Variants in DPYS observed in about 807,000 individuals in gnomAD.
DPYS encodes the protein dihydropyrimidinase.
In DPYS, 39 loss-of-function variants were observed where a neutral mutation model predicts 50.3. The observed-to-expected ratio is 0.78, with a 90% confidence interval of 0.60 to 1.01. DPYS has a LOEUF of 1.01. DPYS is among the 50% of genes least tolerant of loss of function. The probability of loss-of-function intolerance (pLI) is 0.00; values close to 1 mark genes in which losing one functional copy is unlikely to be tolerated. For synonymous variants in DPYS, 245 were observed against 250.7 expected (o/e 0.98, Z 0.22); for missense variants, 659 against 680.9 (o/e 0.97, Z 0.36).
intron 1 of DPYS, among the ~76,000 whole-genome samples, chr8:104,463,740 A>AT (rs1491296206): frequency 6.6e-6 from 1 of 151,996 alleles, no homozygotes; most frequent in Non-Finnish European, 1.5e-5. Flanking sequence ...CAAGTTTAAC[A>AT]TATCATACAA....
At chr8:104,424,160 G>T in intron 7 of DPYS, 87 bp downstream of exon 7, 1 of 1,605,504 alleles carries the variant, frequency 6.2e-7, no homozygotes, top group Non-Finnish European at 8.5e-7. Context: ...AAGGAGAAGC[G>T]GCTGATTAAT....
At chr8:104,385,827 C>T (rs1266379912) in intron 8 of DPYS, among the ~76,000 whole-genome samples, 14 of 152,200 alleles carry the variant, frequency 9.2e-5, no homozygotes, top group Admixed American at 7.2e-4. Context: ...TGCCTTCCTC[C>T]ATGGGATGAC....
At chr8:104,466,541 C>A in intron 1 of DPYS, 116 bp downstream of exon 1, 4 of 1,225,136 alleles carry the variant, frequency 3.3e-6, no homozygotes, top group East Asian at 3.1e-5. Flanking sequence ...TCCCGCCCAC[C>A]CAGCTCCTCG....
chr8:104,433,982 AATGGCCT>A (rs1379975263), intron 4 of DPYS, among the ~76,000 whole-genome samples: 1 of 152,208 alleles, frequency 6.6e-6, no homozygotes, highest in Non-Finnish European at 1.5e-5. Context: ...ATGAGTAACC[AATGGCCT>A]ATGACACAGC....
At position 104,447,436 on chromosome 8, in the gene DPYS, T is replaced by C. The variant is rs777806895; in HGVS notation, c.491A>G (p.Tyr164Cys). 9.9e-6 allele frequency: 16 copies of C among 1,614,052 alleles called. No individual in the cohort carries two copies. Among genetic ancestry groups the C allele is most frequent in the Middle Eastern group, 1.6e-4 (1 of 6,084 alleles). The stretch of plus-strand genomic sequence containing the variant: ...GTCTGTCACCATGTACAGATCTTTA[T>C]AGGCCATAAACATCTTGAAAGAGTT... ...GVNSFKMFMA[Y>C]KDLYMVTDLE... The change falls in exon 3 of 10, where the codon TAT (tyrosine) becomes TGT (cysteine). Residue 164 changes from tyrosine (Y) to cysteine (C), a missense_variant. Transcript: ENST00000351513.
intron 7 of DPYS, among the ~76,000 whole-genome samples, chr8:104,412,218 T>C (rs140144992): frequency 6.6e-4 from 101 of 152,320 alleles, no homozygotes; most frequent in African/African-American, 2.3e-3. Context: ...TTTGCAGGGA[T>C]GCAGGCCACG....
chr8:104,408,381 C>G (rs1812065419), intron 7 of DPYS, among the ~76,000 whole-genome samples: 1 of 152,046 alleles, frequency 6.6e-6, no homozygotes, highest in Non-Finnish European at 1.5e-5. Context: ...GAACAAAGGG[C>G]ATGAATAGAT....
At chr8:104,435,766 C>G (rs937861887) in intron 4 of DPYS, among the ~76,000 whole-genome samples, 3 of 152,032 alleles carry the variant, frequency 2.0e-5, no homozygotes, top group African/African-American at 4.8e-5. Flanking sequence ...CTCTTCTTTC[C>G]CAGTTCACAA....
chr8:104,419,977 G>T (rs1176444100), intron 7 of DPYS: 3 of 152,200 alleles, frequency 2.0e-5, no homozygotes, highest in Non-Finnish European at 4.4e-5. Context: ...GTACATAGGA[G>T]TGTCTTGTAC....
chr8:104,391,090 A>C (rs1239222059), intron 8 of DPYS, among the ~76,000 whole-genome samples: 2 of 152,206 alleles, frequency 1.3e-5, no homozygotes, highest in Admixed American at 1.3e-4. Flanking sequence ...AAAGAACTGC[A>C]GTTTTCTGAG....
intron 7 of DPYS, among the ~76,000 whole-genome samples, chr8:104,402,744 T>C (rs1401290162): frequency 6.6e-6 from 1 of 152,156 alleles, no homozygotes; most frequent in African/African-American, 2.4e-5. Context: ...TCTAGCTCCA[T>C]ATTTTAGGAA....
rs1055332508 is a variant in DPYS at position 104,451,755 on chromosome 8, T to C, written c.265-351A>G. Among the ~76,000 whole-genome samples, 6 of 152,362 alleles carry C rather than the reference T, an allele frequency of 3.9e-5. No homozygotes were observed. In the East Asian group the frequency reaches 5.8e-4, roughly 15 times the overall value. ...TCTTGAGAAGTGATATTCATTATTA[T>C]AAAATTCCATTTTATTAGAATCCAT... On this transcript the variant is annotated intron_variant, in intron 1 of 9. Coordinates refer to ENST00000351513, the MANE Select transcript of DPYS (RefSeq NM_001385.3).
At chr8:104,444,098 T>C in intron 4 of DPYS, 150 bp downstream of exon 4, 1 of 834,694 alleles carries the variant, frequency 1.2e-6, no homozygotes, top group Non-Finnish European at 2.0e-6. Flanking sequence ...CACATAAGGA[T>C]AAATGAAACC....
Position 104,398,756 on chromosome 8 carries a change from G to T in DPYS, c.1236-5765C>A, listed in dbSNP as rs759845578. Among the ~76,000 whole-genome samples, 92 of 152,280 alleles carry T rather than the reference G, an allele frequency of 6.0e-4. No homozygotes were observed. The Middle Eastern group carries it at 0.027, about 45-fold the overall frequency. ...ATCTTAACACCCATCTAGGGCCATT[G>T]TCATATAGCACATGGGAACAGACCC... On this transcript the variant is annotated intron_variant, in intron 7 of 9. Coordinates refer to ENST00000351513, the MANE Select transcript of DPYS (RefSeq NM_001385.3).
At chr8:104,394,502 C>G (rs1326380979) in intron 7 of DPYS, among the ~76,000 whole-genome samples, 2 of 152,014 alleles carry the variant, frequency 1.3e-5, no homozygotes, top group African/African-American at 4.8e-5. Flanking sequence ...AAAATAAACC[C>G]CCCGCTTCTC....
At chr8:104,397,519 C>A (rs1252313663) in intron 7 of DPYS, among the ~76,000 whole-genome samples, 1 of 152,114 alleles carries the variant, frequency 6.6e-6, no homozygotes, top group East Asian at 1.9e-4. Context: ...AAACATCCAG[C>A]CCATTTTTGT....
intron 8 of DPYS, among the ~76,000 whole-genome samples, chr8:104,382,930 C>T (rs754206204): frequency 6.6e-6 from 1 of 152,218 alleles, no homozygotes; most frequent in Non-Finnish European, 1.5e-5. Flanking sequence ...GATCCCATTC[C>T]GTCTCCCTCT....
intron 8 of DPYS, among the ~76,000 whole-genome samples, chr8:104,385,757 T>C (rs947676108): frequency 5.9e-5 from 9 of 152,252 alleles, no homozygotes; most frequent in Non-Finnish European, 1.3e-4. Flanking sequence ...CCTTATAAAA[T>C]GACAAGTTTG....
At chr8:104,460,540 C>CT (rs1268559165) in intron 1 of DPYS, among the ~76,000 whole-genome samples, 5 of 152,228 alleles carry the variant, frequency 3.3e-5, no homozygotes, top group Non-Finnish European at 7.4e-5. Context: ...TCAAATACTT[C>CT]TTTATAGCAG....
Sources: gnomAD v4.1 joint callset for allele counts (sites outside exome capture counted in the v4.1 genomes callset) on GRCh38, gnomAD v4.1.1 for gene constraint, MANE v1.5 for transcripts, NCBI Gene and HGNC (gene_info 2026-07-23, HGNC 2026-07-21) for gene names.